Variants in MAPT observed in about 807,000 individuals in gnomAD.
The protein encoded by MAPT is microtubule-associated protein tau.
A neutral mutation model predicts 67.9 loss-of-function variants in MAPT; 34 were observed. The ratio of observed to expected loss-of-function variants is 0.50; its 90% CI spans 0.38 to 0.67. The LOEUF is 0.67. Among genes scored for constraint, MAPT ranks in the 30% least tolerant of loss-of-function variants. The pLI, the probability that MAPT is intolerant of heterozygous loss-of-function variation, is 0.00. For missense variants in MAPT, 881 were observed against 1,115.2 expected (o/e 0.79, Z 2.99); for synonymous variants, 456 against 464.5 (o/e 0.98, Z 0.23).
chr17:45,959,443 T>TCTA (rs1280335439), intron 1 of MAPT, among the ~76,000 whole-genome samples: 1 of 152,204 alleles, frequency 6.6e-6, no homozygotes, highest in Non-Finnish European at 1.5e-5. Context: ...GCAATTGGTG[T>TCTA]CTACAGCCGC....
chr17:45,983,795 C>T lies in MAPT; in HGVS notation c.1216C>T (p.Pro406Ser), dbSNP rs747036491. The change falls in exon 5 of 13, where the codon CCT becomes TCT. Residue 406 changes from proline to serine, a missense_variant. Physicochemically the swap from Pro to Ser is moderately conservative, Grantham distance 74. Around this residue, in one of 6 missense-constraint regions of MAPT, gnomAD observed 687 missense variants for 766.1 expected, o/e 0.90. Transcript: ENST00000262410. ...GGGAAGGGCTGCATTTCCAGGGGCC[C>T]CTGGAGAGGGGCCAGAGGCCCGGGG... is the stretch of plus-strand genomic sequence containing the variant. ...HLGRAAFPGA[P>S]GEGPEARGPS... 6.2e-6 allele frequency: 10 copies of T among 1,613,668 alleles called. No individual in the cohort carries two copies. The highest frequency in any genetic ancestry group is 1.7e-5 in the Admixed American group (1 of 59,986).
intron 1 of MAPT, among the ~76,000 whole-genome samples, chr17:45,937,615 GGA>G (rs1388351916): frequency 2.0e-5 from 3 of 148,170 alleles, no homozygotes; most frequent in Non-Finnish European, 4.5e-5. Context: ...AAAAAAGAAA[GGA>G]GAGAGAGAGA....
intron 1 of MAPT, among the ~76,000 whole-genome samples, chr17:45,946,615 A>AAAAATAT: frequency 6.0e-5 from 6 of 100,404 alleles, no homozygotes; most frequent in African/African-American, 2.2e-4. Context: ...AAAAAAAAAA[A>AAAAATAT]ATATATATAT....
intron 1 of MAPT, among the ~76,000 whole-genome samples, chr17:45,962,107 G>A (rs749810018): frequency 6.6e-6 from 1 of 152,128 alleles, no homozygotes; most frequent in South Asian, 2.1e-4. Flanking sequence ...GAACTGCTGC[G>A]GTGTTGGTAA....
intron 9 of MAPT, among the ~76,000 whole-genome samples, chr17:46,006,984 A>T (rs28753217): frequency 0.34 from 28,947 of 84,738 alleles, 3,128 homozygotes; most frequent in East Asian, 0.58. Flanking sequence ...TAAAATAAAT[A>T]AAATAAAATA....
Position 46,024,412 on chromosome 17 carries a change from T to TTA in MAPT, c.*241_*242insTA, listed in dbSNP as rs1555726076. On this transcript the variant is annotated 3_prime_UTR_variant, in exon 13 of 13. Transcript: ENST00000262410. ...ATGGGTGGGCTAGTAATAAAATATTTAAAAAAAAACATTCAAAAACATGGC... is the reference window on the plus strand; with the variant it reads ...ATGGGTGGGCTAGTAATAAAATATTTTAAAAAAAAAACATTCAAAAACATGGC... The TTA allele has an allele frequency of 4.0e-5, 23 of 569,268 alleles. No individual in the cohort carries two copies. Among genetic ancestry groups the TTA allele is most frequent in the South Asian group, 6.4e-5 (3 of 46,672 alleles). 35.3% of individuals were successfully genotyped at this position (569,268 alleles called of 1,614,324 possible).
intron 6 of MAPT, 32 bp downstream of exon 6, chr17:45,987,127 T>C (rs746624665): frequency 5.0e-6 from 8 of 1,607,670 alleles, no homozygotes; most frequent in Non-Finnish European, 6.8e-6. Flanking sequence ...GCTCTGCAGC[T>C]GGTCAAGTTT....
intron 12 of MAPT, among the ~76,000 whole-genome samples, chr17:46,022,569 T>C (rs958671604): frequency 1.3e-5 from 2 of 152,132 alleles, no homozygotes; most frequent in African/African-American, 4.8e-5. Context: ...TGAGTGTGGA[T>C]GGACATGTGC....
intron 8 of MAPT, 142 bp downstream of exon 8, chr17:45,991,728 C>T (rs1041418023): frequency 2.0e-6 from 2 of 994,350 alleles, no homozygotes; most frequent in Non-Finnish European, 1.5e-6. Flanking sequence ...GCACTGGAGT[C>T]TTCATTGCCT....
At position 45,995,515 on chromosome 17, in the gene MAPT, C is replaced by G. The variant is rs17573266; in HGVS notation, c.1733-884C>G. Among the ~76,000 whole-genome samples the G allele has an allele frequency of 0.15, 22,121 of 152,166 alleles. 2,157 individuals carry two copies. The highest frequency in any genetic ancestry group is 0.22 in the Middle Eastern group (64 of 294). ...CAGACCCATGAGATAGAATACCAGA[C>G]TGTTGAAGTGTAACGGGGGCCTGGG... On this transcript the variant is annotated intron_variant, in intron 8 of 12. Transcript: ENST00000262410. This position sits in a 1 kb window ranked among gnomAD's most constrained non-coding sequence, Gnocchi z 4.3.
intron 8 of MAPT, chr17:45,993,953 C>T (rs267604921): frequency 1.9e-6 from 3 of 1,576,400 alleles, no homozygotes; most frequent in Admixed American, 1.8e-5. Flanking sequence ...AAGACCACCC[C>T]CTGCAGGGCC....
intron 11 of MAPT, among the ~76,000 whole-genome samples, chr17:46,015,229 G>A (rs961176119): frequency 6.6e-5 from 10 of 151,372 alleles, no homozygotes; most frequent in Non-Finnish European, 1.3e-4. Flanking sequence ...GCATGGTGGC[G>A]GGCGCCTGTA....
At chr17:45,903,818 A>T (rs1169164568) in intron 1 of MAPT, among the ~76,000 whole-genome samples, 2 of 10,968 alleles carry the variant, frequency 1.8e-4, no homozygotes, top group Non-Finnish European at 3.3e-4. Flanking sequence ...TATAATATAT[A>T]AATATATTAT....
chr17:45,942,865 G>T (rs2068120904), intron 1 of MAPT, among the ~76,000 whole-genome samples: 1 of 152,200 alleles, frequency 6.6e-6, no homozygotes, highest in East Asian at 1.9e-4. Flanking sequence ...GGCTCTGGGA[G>T]GTTGAGTGAC....
At chr17:45,899,375 T>C (rs954744543) in intron 1 of MAPT, among the ~76,000 whole-genome samples, 2 of 152,336 alleles carry the variant, frequency 1.3e-5, no homozygotes, top group African/African-American at 4.8e-5. Flanking sequence ...TTACATTCAT[T>C]GAGTGTCTTT....
At chr17:46,000,019 G>A (rs943844368) in intron 9 of MAPT, among the ~76,000 whole-genome samples, 2 of 152,230 alleles carry the variant, frequency 1.3e-5, no homozygotes, top group African/African-American at 4.8e-5. Context: ...AAGGCTCCAC[G>A]AGCTTTTGCT....
intron 1 of MAPT, among the ~76,000 whole-genome samples, chr17:45,941,659 C>T: frequency 9.5e-6 from 1 of 105,232 alleles, no homozygotes; most frequent in Non-Finnish European, 1.9e-5. Context: ...CCCTTCCACC[C>T]TTCCCCCCTT....
chr17:45,991,889 A>G (rs2074086226), intron 8 of MAPT, among the ~76,000 whole-genome samples: 1 of 150,986 alleles, frequency 6.6e-6, no homozygotes, highest in Admixed American at 6.6e-5. Context: ...GGTTCAAGCG[A>G]TTCTCCTACC....
intron 9 of MAPT, among the ~76,000 whole-genome samples, chr17:46,006,367 T>C (rs973147472): frequency 3.9e-5 from 6 of 152,190 alleles, no homozygotes; most frequent in Admixed American, 3.3e-4. Flanking sequence ...TTCTCACACA[T>C]TTGTGGGAGC....
Sources: allele counts gnomAD v4.1 joint callset (sites outside exome capture counted in the v4.1 genomes callset), GRCh38; gene constraint gnomAD v4.1.1; regional missense constraint gnomAD v4.1.1; non-coding constraint Gnocchi (gnomAD v3.1); transcripts MANE v1.5; gene names NCBI Gene and HGNC (gene_info 2026-07-23, HGNC 2026-07-21).